Variants in ELP6 observed in about 807,000 individuals in gnomAD.
ELP6 encodes elongator acetyltransferase complex subunit 6, also known as elongator complex protein 6.
A neutral mutation model predicts 28.1 loss-of-function variants in ELP6; 23 were observed. The ratio of observed to expected loss-of-function variants is 0.82; its 90% confidence interval spans 0.59 to 1.16. The LOEUF (loss-of-function observed/expected upper bound fraction) is 1.16. Ranked by LOEUF, ELP6 falls within the 50% of genes most tolerant of loss-of-function variation. The pLI is 0.00. For synonymous variants in ELP6, 132 were observed against 135.8 expected (o/e 0.97, Z 0.19); for missense variants, 313 against 334.6 (o/e 0.94, Z 0.50).
At chr3:47,512,991 CTTT>C (rs35559100) in intron 1 of ELP6, 694 of 915,948 alleles carry the variant, frequency 7.6e-4, no homozygotes, top group Non-Finnish European at 8.1e-4. Flanking sequence ...TTCCCAGGTA[CTTT>C]TTTTTTTTTT....
rs945766190 is a variant in ELP6 at position 47,510,239 on chromosome 3, C to T, written c.149G>A (p.Cys50Tyr). ...SFYLKANCKVCFVALIQSFSH... is the reference protein window; with the variant it reads ...SFYLKANCKVYFVALIQSFSH... The stretch of plus-strand genomic sequence containing the variant: ...GAAGGACTGGATGAGTGCCACAAAG[C>T]AGACTTTACAATTAGCTAGAAAACA... Residue 50 changes from cysteine (C) to tyrosine (Y), a missense_variant, in exon 3 of 7, where the codon TGC becomes TAC. By Grantham distance (194) the Cys-to-Tyr change is radical. Transcript: ENST00000296149. 6.2e-7 allele frequency: 1 copy of T among 1,613,600 alleles called. No homozygotes were observed. Among genetic ancestry groups the T allele is most frequent in the South Asian group, 1.1e-5 (1 of 91,056 alleles).
At chr3:47,500,002 G>A (rs1380676809) in intron 5 of ELP6, 9 of 1,316,558 alleles carry the variant, frequency 6.8e-6, no homozygotes, top group Non-Finnish European at 9.0e-6. Context: ...CACACTGGCG[G>A]GTAAATATGT....
chr3:47,501,691 A>C lies in ELP6; in HGVS notation c.484T>G (p.Phe162Val). Residue 162 changes from phenylalanine to valine, a missense_variant, in exon 5 of 7, where the codon TTC becomes GTC. Physicochemically the swap from Phe to Val is conservative, Grantham distance 50. Coordinates refer to ENST00000296149, the MANE Select transcript of ELP6 (RefSeq NM_001031703.3). ...ACGGTGGCTCTGCAGTAGTGAATGA[A>C]GTCTAGCACAGCCACCGCCCCCATG... ...LGMGAVAVLD[F>V]IHYCRATVCW... The C allele has an allele frequency of 1.2e-6, 2 of 1,614,026 alleles. No individual in the cohort carries two copies. Among genetic ancestry groups the C allele is most frequent in the Non-Finnish European group, 1.7e-6 (2 of 1,179,982 alleles).
At chr3:47,504,512 G>C in intron 3 of ELP6, 64 bp from the exon 4 acceptor site, 4 of 1,500,374 alleles carry the variant, frequency 2.7e-6, no homozygotes, top group Non-Finnish European at 3.6e-6. Context: ...CTAGATGCCA[G>C]CTTGCAAGAG....
intron 3 of ELP6, among the ~76,000 whole-genome samples, chr3:47,505,356 G>C (rs1232188371): frequency 6.6e-6 from 1 of 151,950 alleles, no homozygotes; most frequent in Admixed American, 6.6e-5. Flanking sequence ...CTCAGACTAG[G>C]ACTTTTTTTT....
At chr3:47,497,083 C>T (rs921733129) in intron 6 of ELP6, 117 of 978,764 alleles carry the variant, frequency 1.2e-4, no homozygotes, top group Non-Finnish European at 1.4e-4. Flanking sequence ...GCCAAGACTC[C>T]TAGCCACTCT....
chr3:47,498,071 C>CA, intron 6 of ELP6: 1 of 1,399,012 alleles, frequency 7.1e-7, no homozygotes. Context: ...ACTTTGGTCA[C>CA]AAATGGGACC....
At chr3:47,498,484 A>G (rs747642548) in intron 5 of ELP6, 52 bp from the exon 6 acceptor site, 15 of 1,591,614 alleles carry the variant, frequency 9.4e-6, no homozygotes, top group Non-Finnish European at 1.3e-5. Context: ...GGACACCCAG[A>G]GTCAGGGAGT....
At chr3:47,499,230 T>C (rs1708566760) in intron 5 of ELP6, among the ~76,000 whole-genome samples, 1 of 151,948 alleles carries the variant, frequency 6.6e-6, no homozygotes, top group Non-Finnish European at 1.5e-5. Flanking sequence ...AGAATAGTAA[T>C]AAAAGGCTGG....
intron 3 of ELP6, among the ~76,000 whole-genome samples, chr3:47,505,285 AC>A (rs1169592764): frequency 2.6e-5 from 4 of 151,958 alleles, no homozygotes; most frequent in African/African-American, 9.7e-5. Flanking sequence ...AAACAAACAA[AC>A]AAACAACAAA....
chr3:47,502,570 C>G, intron 4 of ELP6: 1 of 984,872 alleles, frequency 1.0e-6, no homozygotes. Context: ...CACAGTAGCT[C>G]ACACCTGTAA....
intron 1 of ELP6, chr3:47,513,233 G>A: frequency 8.1e-7 from 1 of 1,234,002 alleles, no homozygotes. Flanking sequence ...CTTAGATGAT[G>A]CACCCGCCTC....
rs1223094856 is a variant in ELP6, at chr3:47,495,931, T to G, written c.*138A>C. 9 of 1,475,728 alleles carry G rather than the reference T, an allele frequency of 6.1e-6. No individual in the cohort carries two copies. Among genetic ancestry groups the G allele is most frequent in the Non-Finnish European group, 7.3e-6 (8 of 1,091,492 alleles). 91.4% of individuals were successfully genotyped at this position (1,475,728 alleles called of 1,614,324 possible). A position where few individuals can be genotyped will look rare whatever the true frequency, so the allele number is the denominator to read the frequency against. On this transcript the variant is annotated 3_prime_UTR_variant, in exon 7 of 7. Transcript: ENST00000296149. ...CCAAGGCATGCCATCACTGCAGCAC[T>G]CAACCCTCTGGTCACAGTGGAGTCG...
chr3:47,500,115 A>G (rs1409060714), intron 5 of ELP6: 3 of 1,185,560 alleles, frequency 2.5e-6, no homozygotes, highest in Non-Finnish European at 2.1e-6. Flanking sequence ...GCATCTGCAC[A>G]GCCATTAAAT....
At chr3:47,512,979 G>A in intron 1 of ELP6, 1 of 979,308 alleles carries the variant, frequency 1.0e-6, no homozygotes, top group Non-Finnish European at 1.2e-6. Flanking sequence ...TGTCGGCCAT[G>A]CTTCCCAGGT....
rs1709029383 is a variant in ELP6 at position 47,511,973 on chromosome 3, G to C, written c.55-747C>G. ...CAAAATGTGAAAGATCACATCGTCA[G>C]ACCTTCAGTGTTACCCCTAGTGCTG... On this transcript the variant is annotated intron_variant, in intron 1 of 6. Transcript: ENST00000296149. 3 of 983,524 alleles carry C rather than the reference G, an allele frequency of 3.1e-6. No individual in the cohort carries two copies. The African/African-American group carries it at 5.2e-5, about 17-fold the overall frequency. 60.9% of individuals were successfully genotyped at this position (983,524 alleles called of 1,614,324 possible).
chr3:47,512,632 G>A, intron 1 of ELP6: 4 of 985,448 alleles, frequency 4.1e-6, no homozygotes, highest in Non-Finnish European at 4.8e-6. Context: ...AGGTTTCAAG[G>A]TACCCCGGAG....
In ELP6 at chr3:47,498,344, T is replaced by C; in HGVS notation, c.614A>G (p.His205Arg). ...CAGGCCCTCAGCCCGCAGTATCAGA[T>C]GGCTCTGATGACTGAGGCCATTCAG... ...ILLNGLSHQS[H>R]LILRAEGLAT... Residue 205 changes from histidine (H) to arginine (R), a missense_variant, in exon 6 of 7, where the codon CAT (histidine) becomes CGT (arginine). Physicochemically the swap from His to Arg is conservative, Grantham distance 29. Coordinates refer to ENST00000296149, the MANE Select transcript of ELP6 (RefSeq NM_001031703.3). 1 of 1,613,836 alleles carries C rather than the reference T, an allele frequency of 6.2e-7. No individual in the cohort carries two copies. Among genetic ancestry groups the C allele is most frequent in the Admixed American group, 1.7e-5 (1 of 60,018 alleles).
At chr3:47,505,660 C>T (rs1192643360) in intron 3 of ELP6, among the ~76,000 whole-genome samples, 1 of 152,184 alleles carries the variant, frequency 6.6e-6, no homozygotes, top group Non-Finnish European at 1.5e-5. Flanking sequence ...CAACCTCCGC[C>T]TCCTGGGTTC....
Sources: gnomAD v4.1 joint callset for allele counts (sites outside exome capture counted in the v4.1 genomes callset) on GRCh38, gnomAD v4.1.1 for gene constraint, MANE v1.5 for transcripts, NCBI Gene and HGNC (gene_info 2026-07-23, HGNC 2026-07-21) for gene names.